Variants in ITGB8 observed in about 807,000 individuals in gnomAD.
ITGB8 encodes the protein integrin beta-8.
Under a neutral mutation model 89.5 loss-of-function variants are expected in ITGB8, and 30 were observed. That is an observed-to-expected ratio of 0.34 (90% CI 0.25 to 0.45). ITGB8 has a LOEUF of 0.45. Among genes scored for constraint, ITGB8 ranks in the 20% least tolerant of loss-of-function variants. The pLI, the probability that ITGB8 is intolerant of heterozygous loss-of-function variation, is 1.00. For missense variants in ITGB8, 836 were observed against 933.3 expected (o/e 0.90, Z 1.36); for synonymous variants, 335 against 320.4 (o/e 1.05, Z -0.49).
chr7:20,363,742 C>A lies in ITGB8; in HGVS notation c.213+20C>A. 7.7e-7 allele frequency: 1 copy of A among 1,305,114 alleles called. No homozygotes were observed. Among genetic ancestry groups the A allele is most frequent in the South Asian group, 1.5e-5 (1 of 67,900 alleles). The allele number at this position is 1,305,114 out of a possible 1,614,324, so 80.8% of individuals were successfully genotyped here. A position where few individuals can be genotyped will look rare whatever the true frequency, so the allele number is the denominator to read the frequency against. ...CAAGAGGTGTGCCATTTTTTTTTTT[C>A]TTTTTCTCATGGTTGACTTGAGCTA... On this transcript the variant is annotated intron_variant, in intron 2 of 13. Coordinates refer to ENST00000222573, the MANE Select transcript of ITGB8 (RefSeq NM_002214.3).
intron 6 of ITGB8, among the ~76,000 whole-genome samples, chr7:20,390,180 C>G (rs1786797230): frequency 6.6e-6 from 1 of 152,048 alleles, no homozygotes; most frequent in Admixed American, 6.6e-5. Context: ...TTGGAGAGTG[C>G]AGTGGGAAGC....
At chr7:20,332,307 G>A (rs1390525241) in intron 1 of ITGB8, among the ~76,000 whole-genome samples, 5 of 152,090 alleles carry the variant, frequency 3.3e-5, no homozygotes, top group African/African-American at 4.8e-5. Context: ...CTAACATTTG[G>A]GTCCACTAAG....
intron 7 of ITGB8, among the ~76,000 whole-genome samples, chr7:20,392,295 C>T (rs1181887344): frequency 6.6e-6 from 1 of 152,166 alleles, no homozygotes; most frequent in African/African-American, 2.4e-5. Context: ...CTCCCATCTG[C>T]TCCCTAATTA....
At chr7:20,401,043 C>T (rs986600419) in intron 9 of ITGB8, among the ~76,000 whole-genome samples, 2 of 152,014 alleles carry the variant, frequency 1.3e-5, no homozygotes, top group African/African-American at 4.8e-5. Context: ...GGTGCAATCT[C>T]GGCTCACTGC....
chr7:20,343,985 TC>T (rs1021585135), intron 1 of ITGB8, among the ~76,000 whole-genome samples: 12 of 152,340 alleles, frequency 7.9e-5, no homozygotes, highest in African/African-American at 2.4e-4. Context: ...TTGCAAATTT[TC>T]ACCATTACTA....
chr7:20,376,025 G>A lies in ITGB8; in HGVS notation c.389-3026G>A, dbSNP rs180773204. ...GTCATGGGGCTTGTCCTACTTGGGA[G>A]GAAGGAGGAAAAGTGAGGAGCAATC... On this transcript the variant is annotated intron_variant, in intron 3 of 13. Transcript: ENST00000222573. Among the ~76,000 whole-genome samples, 472 of 152,270 alleles carry A rather than the reference G, an allele frequency of 3.1e-3. 3 individuals carry two copies. Among genetic ancestry groups the A allele is most frequent in the African/African-American group, 0.01 (430 of 41,548 alleles).
rs547124771 is a variant in ITGB8 at position 20,338,938 on chromosome 7, A to T, written c.127+7005A>T. Among the ~76,000 whole-genome samples the T allele has an allele frequency of 3.9e-5, 6 of 152,292 alleles. No individual in the cohort carries two copies. The East Asian group carries it at 7.7e-4, about 20-fold the overall frequency. ...GCTGGCCACAGTGGCTCACACCTGT[A>T]ATCCCAGCACTTTTGGAGGCAGAGG... On this transcript the variant is annotated intron_variant, in intron 1 of 13. Coordinates refer to ENST00000222573, the MANE Select transcript of ITGB8 (RefSeq NM_002214.3).
intron 1 of ITGB8, among the ~76,000 whole-genome samples, chr7:20,342,810 G>C (rs1426678382): frequency 6.6e-6 from 1 of 152,128 alleles, no homozygotes; most frequent in African/African-American, 2.4e-5. Flanking sequence ...CAGAAACCTA[G>C]AAACACAAAG....
chr7:20,349,542 T>C (rs190239375), intron 1 of ITGB8, among the ~76,000 whole-genome samples: 1,747 of 152,202 alleles, frequency 0.011, 30 homozygotes, highest in African/African-American at 0.04. Flanking sequence ...TGAAAAGATT[T>C]TTTATTATCT....
At chr7:20,395,097 A>G (rs1787016694) in intron 8 of ITGB8, 112 bp downstream of exon 8, 1 of 613,516 alleles carries the variant, frequency 1.6e-6, no homozygotes, top group South Asian at 2.2e-5. Context: ...AGCATATTAG[A>G]TTAGGAATTA....
intron 1 of ITGB8, among the ~76,000 whole-genome samples, chr7:20,337,262 T>C (rs912701765): frequency 1.9e-4 from 29 of 152,338 alleles, no homozygotes; most frequent in African/African-American, 6.0e-4. Flanking sequence ...CTGGAATTTG[T>C]AGTCATTTTC....
intron 11 of ITGB8, among the ~76,000 whole-genome samples, chr7:20,405,740 T>G (rs1787514380): frequency 6.6e-6 from 1 of 151,756 alleles, no homozygotes. Flanking sequence ...TGCCAATAAA[T>G]TTTTCAGTAA....
intron 1 of ITGB8, among the ~76,000 whole-genome samples, chr7:20,362,717 T>A (rs1310511839): frequency 6.6e-6 from 1 of 152,232 alleles, no homozygotes; most frequent in East Asian, 1.9e-4. Flanking sequence ...ACTTCCAGTG[T>A]CCTTAGAACA....
chr7:20,393,450 T>C (rs899589005), intron 7 of ITGB8, among the ~76,000 whole-genome samples: 32 of 152,210 alleles, frequency 2.1e-4, no homozygotes, highest in African/African-American at 7.7e-4. Flanking sequence ...AACAACCTCA[T>C]GGCTGATAAT....
In ITGB8 at chr7:20,332,157, C is replaced by T. The variant is rs149659842; in HGVS notation, c.127+224C>T. The T allele has an allele frequency of 4.5e-3, 4,424 of 983,636 alleles. 13 individuals are homozygous for T. Among genetic ancestry groups the T allele is most frequent in the Non-Finnish European group, 5.7e-3 (4,042 of 707,748 alleles). 60.9% of individuals were successfully genotyped at this position (983,636 alleles called of 1,614,324 possible). A position where few individuals can be genotyped will look rare whatever the true frequency, so the allele number is the denominator to read the frequency against. On this transcript the variant is annotated intron_variant, in intron 1 of 13. Transcript: ENST00000222573. ...CAAGGACTAATTATCAGAGGAGACA[C>T]TCTGTGTTACTCCTAGGTGTTGAGG...
At chr7:20,407,439 G>T (rs1218387133) in intron 12 of ITGB8, among the ~76,000 whole-genome samples, 1 of 151,920 alleles carries the variant, frequency 6.6e-6, no homozygotes, top group Non-Finnish European at 1.5e-5. Flanking sequence ...AACTCCACGG[G>T]CATTAGAAAC....
At chr7:20,342,124 T>C (rs1055950300) in intron 1 of ITGB8, among the ~76,000 whole-genome samples, 2 of 152,142 alleles carry the variant, frequency 1.3e-5, no homozygotes, top group African/African-American at 4.8e-5. Context: ...TTCTTGGCCC[T>C]TTGAACAAAC....
intron 1 of ITGB8, among the ~76,000 whole-genome samples, chr7:20,357,408 G>A (rs10486392): frequency 0.21 from 31,981 of 151,936 alleles, 4,267 homozygotes; most frequent in Non-Finnish European, 0.29. Flanking sequence ...TTACATTTAC[G>A]ACAAGTTTGA....
chr7:20,401,525 G>A (rs990450803), intron 9 of ITGB8, among the ~76,000 whole-genome samples, 196 bp from the exon 10 acceptor site: 2 of 152,094 alleles, frequency 1.3e-5, no homozygotes, highest in Non-Finnish European at 2.9e-5. Context: ...TAACCCTCAA[G>A]TTCATTCATT....
Sources: gnomAD v4.1 joint callset for allele counts (sites outside exome capture counted in the v4.1 genomes callset) on GRCh38, gnomAD v4.1.1 for gene constraint, MANE v1.5 for transcripts, NCBI Gene and HGNC (gene_info 2026-07-23, HGNC 2026-07-21) for gene names.